Variants in PTPRN2 observed in about 807,000 individuals in gnomAD.
PTPRN2 encodes receptor-type tyrosine-protein phosphatase N2.
In PTPRN2, 74 loss-of-function variants were observed where a neutral mutation model predicts 118.8. That is an observed-to-expected ratio of 0.62 (90% CI 0.52 to 0.76). The LOEUF (loss-of-function observed/expected upper bound fraction) is 0.76, where lower values mean the gene tolerates loss of function less well. Ranked by LOEUF, PTPRN2 falls within the 30% of genes least tolerant of loss-of-function variation. The probability of loss-of-function intolerance (pLI) is 0.00; values close to 1 mark genes in which losing one functional copy is unlikely to be tolerated. For missense variants in PTPRN2, 1,481 were observed against 1,394.4 expected, an observed-to-expected ratio of 1.06 and a Z score of -0.99; for synonymous variants, 641 against 608.0, an observed-to-expected ratio of 1.05 and a Z score of -0.80.
At chr7:158,056,981 T>G (rs1229904740) in intron 11 of PTPRN2, among the ~76,000 whole-genome samples, 1 of 152,124 alleles carries the variant, frequency 6.6e-6, no homozygotes, top group Admixed American at 6.5e-5. Context: ...CTCGGATGTG[T>G]CCATCAAGCT....
At chr7:158,172,416 C>T (rs1418423266) in intron 5 of PTPRN2, among the ~76,000 whole-genome samples, 1 of 152,256 alleles carries the variant, frequency 6.6e-6, no homozygotes, top group South Asian at 2.1e-4. Context: ...CTGCCACCAT[C>T]CACAACAGCA....
chr7:158,008,051 A>AGGTGTGCTGTGTGTG, intron 11 of PTPRN2, among the ~76,000 whole-genome samples: 1 of 96,280 alleles, frequency 1.0e-5, no homozygotes, highest in African/African-American at 4.2e-5. Context: ...GTGTGTGTGG[A>AGGTGTGCTGTGTGTG]GGTGTGCTGT....
intron 1 of PTPRN2, among the ~76,000 whole-genome samples, chr7:158,508,345 G>A (rs537790985): frequency 1.4e-4 from 22 of 152,312 alleles, no homozygotes; most frequent in South Asian, 4.1e-4. Context: ...AGCAGTGAGG[G>A]GACATCTGAG....
Position 158,222,607 on chromosome 7 carries a change from A to G in PTPRN2, c.278-17334T>C, listed in dbSNP as rs192904492. Among the ~76,000 whole-genome samples, 338 of 152,344 alleles carry G rather than the reference A, an allele frequency of 2.2e-3. 2 individuals are homozygous for G. Among genetic ancestry groups the G allele is most frequent in the Non-Finnish European group, 2.7e-3 (184 of 68,034 alleles). ...GGTGGGAGGAAGACGTGGGTTGAAA[A>G]GCTATAAGGGACTAGGTTCACTACC... On this transcript the variant is annotated intron_variant, in intron 3 of 22. Coordinates refer to ENST00000389418, the MANE Select transcript of PTPRN2 (RefSeq NM_002847.5).
chr7:158,521,045 C>T (rs1823952299), intron 1 of PTPRN2, among the ~76,000 whole-genome samples: 1 of 152,242 alleles, frequency 6.6e-6, no homozygotes, highest in Non-Finnish European at 1.5e-5. Context: ...GCAGCCAGGA[C>T]CTTATTCCAT....
At chr7:158,462,343 C>T (rs1819065807) in intron 2 of PTPRN2, among the ~76,000 whole-genome samples, 1 of 152,186 alleles carries the variant, frequency 6.6e-6, no homozygotes, top group South Asian at 2.1e-4. Flanking sequence ...GCACCGGAGG[C>T]CCCTGTGGCT....
intron 12 of PTPRN2, among the ~76,000 whole-genome samples, chr7:157,697,785 A>C (rs1585258138): frequency 7.2e-6 from 1 of 138,170 alleles, no homozygotes; most frequent in African/African-American, 2.8e-5. Context: ...CAGAGCCCTC[A>C]CCATCTACCC....
chr7:158,240,256 AG>A (rs869171447), intron 3 of PTPRN2, among the ~76,000 whole-genome samples: 1 of 7,546 alleles, frequency 1.3e-4, no homozygotes, highest in Non-Finnish European at 3.9e-4. Context: ...ATACCAAAAA[AG>A]AGAGAGAGAG....
chr7:157,795,905 G>T (rs1804840285), intron 12 of PTPRN2, among the ~76,000 whole-genome samples: 1 of 152,230 alleles, frequency 6.6e-6, no homozygotes. Context: ...CACATGTGAT[G>T]CTGACGCCCT....
intron 4 of PTPRN2, among the ~76,000 whole-genome samples, chr7:158,198,088 A>G (rs1009991898): frequency 6.6e-6 from 1 of 152,176 alleles, no homozygotes; most frequent in African/African-American, 2.4e-5. Flanking sequence ...ATTTAACTGC[A>G]GTTAATTTAC....
intron 12 of PTPRN2, among the ~76,000 whole-genome samples, chr7:157,803,550 T>A (rs976291127): frequency 1.3e-5 from 2 of 152,242 alleles, no homozygotes; most frequent in Non-Finnish European, 2.9e-5. Flanking sequence ...TTTCTTCTAG[T>A]ACGTTTATGG....
rs1563555784 is a variant in PTPRN2 at position 158,171,320 on chromosome 7, T to TAC, written c.550-4030_550-4029insGT. Among the ~76,000 whole-genome samples, 249 of 93,506 alleles carry TAC rather than the reference T, an allele frequency of 2.7e-3. 28 individuals carry two copies. The highest frequency in any genetic ancestry group is 0.011 in the African/African-American group (224 of 20,630). The allele number at this position is 93,506 out of a possible 152,430, so 61.3% of individuals were successfully genotyped here. A position where few individuals can be genotyped will look rare whatever the true frequency, so the allele number is the denominator to read the frequency against. Reference sequence around the variant, plus strand: ...ATATATATACACACATATATATATATATATATATATATATATATATATATA... The same window carrying TAC: ...ATATATATACACACATATATATATATACATATATATATATATATATATATATA... On this transcript the variant is annotated intron_variant, in intron 5 of 22. Coordinates refer to ENST00000389418, the MANE Select transcript of PTPRN2 (RefSeq NM_002847.5).
chr7:157,894,747 C>G (rs1797003933), intron 12 of PTPRN2, among the ~76,000 whole-genome samples: 1 of 152,122 alleles, frequency 6.6e-6, no homozygotes, highest in Non-Finnish European at 1.5e-5. Flanking sequence ...AAGCCCAGGA[C>G]CTTGAGGACC....
chr7:157,553,887 G>A (rs1279684336), intron 21 of PTPRN2, among the ~76,000 whole-genome samples: 1 of 152,176 alleles, frequency 6.6e-6, no homozygotes, highest in Non-Finnish European at 1.5e-5. Context: ...CTTTCATAAG[G>A]GACAGACCCT....
At chr7:158,119,180 T>C (rs1177126530) in intron 9 of PTPRN2, among the ~76,000 whole-genome samples, 2 of 152,062 alleles carry the variant, frequency 1.3e-5, no homozygotes, top group Admixed American at 6.6e-5. Flanking sequence ...ACAACAAAAA[T>C]ACAAACAATA....
chr7:158,370,842 A>T lies in PTPRN2; in HGVS notation c.164-53910T>A, dbSNP rs557033107. Reference sequence around the variant, plus strand: ...CAACATGCAAAAGTGGAATACAAAAAAACTTCCACTTCCAAAGATGCTCAT... The same window carrying T: ...CAACATGCAAAAGTGGAATACAAAATAACTTCCACTTCCAAAGATGCTCAT... On this transcript the variant is annotated intron_variant, in intron 2 of 22. Coordinates refer to ENST00000389418, the MANE Select transcript of PTPRN2 (RefSeq NM_002847.5). Among the ~76,000 whole-genome samples the T allele has an allele frequency of 9.7e-3, 1,482 of 152,336 alleles. 12 individuals carry two copies. The highest frequency in any genetic ancestry group is 0.017 in the Non-Finnish European group (1,190 of 68,030).
At chr7:157,876,585 A>G (rs1795780932) in intron 12 of PTPRN2, among the ~76,000 whole-genome samples, 1 of 152,194 alleles carries the variant, frequency 6.6e-6, no homozygotes, top group Non-Finnish European at 1.5e-5. Context: ...CAGACGGCCA[A>G]GGCAGGCAGA....
chr7:158,324,004 C>T (rs1803255959), intron 2 of PTPRN2, among the ~76,000 whole-genome samples: 1 of 152,006 alleles, frequency 6.6e-6, no homozygotes, highest in Non-Finnish European at 1.5e-5. Context: ...CATTTGCATG[C>T]ACTTGATTAT....
chr7:158,572,081 A>C (rs1828073498), intron 1 of PTPRN2, among the ~76,000 whole-genome samples: 1 of 152,218 alleles, frequency 6.6e-6, no homozygotes, highest in Admixed American at 6.5e-5. Flanking sequence ...GAAAAGGTTC[A>C]GGAGCTTCTG....
Sources: allele counts gnomAD v4.1 joint callset (sites outside exome capture counted in the v4.1 genomes callset), GRCh38; gene constraint gnomAD v4.1.1; transcripts MANE v1.5; gene names NCBI Gene and HGNC (gene_info 2026-07-23, HGNC 2026-07-21).